PCDH11X: variants seen among roughly 807,000 people sequenced by gnomAD.
PCDH11X encodes the protein protocadherin 11 X-linked.
Under a neutral mutation model 53.3 loss-of-function variants are expected in PCDH11X, and 18 were observed. That is an observed-to-expected ratio of 0.34 (90% CI 0.23 to 0.50). PCDH11X has a LOEUF of 0.50. Among genes scored for constraint, PCDH11X ranks in the 20% least tolerant of loss-of-function variants. The probability of loss-of-function intolerance (pLI) is 0.98; values close to 1 mark genes in which losing one functional copy is unlikely to be tolerated. For missense variants in PCDH11X, 570 were observed against 1,032.4 expected, an observed-to-expected ratio of 0.55 and a Z score of 6.14; for synonymous variants, 279 against 393.3, an observed-to-expected ratio of 0.71 and a Z score of 3.44.
In PCDH11X at chrX:92,431,058, G is replaced by T. The variant is rs1265343525; in HGVS notation, c.3344-37241G>T. Among the ~76,000 whole-genome samples the T allele has an allele frequency of 2.1e-4, 23 of 110,889 alleles. No individual in the cohort carries two copies. In the East Asian group the frequency reaches 5.4e-3, roughly 26 times the overall value. The stretch of plus-strand genomic sequence containing the variant: ...TCTTCCTTTTCTTTTTTTAAAAGAT[G>T]AAATGTAAAAGAAAGCTTACCTCAA... On this transcript the variant is annotated intron_variant, in intron 9 of 10. Transcript: ENST00000682573.
At chrX:91,982,873 T>C in intron 6 of PCDH11X, 1 of 911,145 alleles carries the variant, frequency 1.1e-6, no homozygotes, top group Non-Finnish European at 1.6e-6. Flanking sequence ...TTTCCTGCTG[T>C]CCAGGTGAGA....
intron 7 of PCDH11X, among the ~76,000 whole-genome samples, chrX:92,246,659 G>A (rs1449479749): frequency 9.0e-6 from 1 of 111,711 alleles, no homozygotes; most frequent in Non-Finnish European, 1.9e-5. Flanking sequence ...CCTGAAAAGA[G>A]TTTTACATAC....
At position 91,878,853 on chromosome X, in the gene PCDH11X, A is replaced by G. The variant is rs1569424355; in HGVS notation, c.2613A>G (p.Lys871=). The change falls in exon 6 of 11, where the codon AAA becomes AAG. Residue 871 remains lysine (K), a synonymous_variant. Transcript: ENST00000682573. ...AGATGATAATGATGAAGAAAAAGAA[A>G]AAGAAGAAGAAGCATTCCCCTAAGA... ...NRQMIMMKKK[K]KKKKHSPKNL... The G allele has an allele frequency of 8.3e-7, 1 of 1,211,476 alleles. No individual in the cohort carries two copies. Among genetic ancestry groups the G allele is most frequent in the Admixed American group, 2.2e-5 (1 of 45,956 alleles).
rs187757859 is a variant in PCDH11X at position 91,871,630 on chromosome X, G to A, written c.541-5151G>A. On this transcript the variant is annotated intron_variant, in intron 5 of 10. Transcript: ENST00000682573. ...TGTTAAAGTTTTCTCCAGTTGTCTC[G>A]TTAATTCTTTCCCAGGACAATAGAC... Among the ~76,000 whole-genome samples the A allele has an allele frequency of 3.5e-3, 381 of 109,598 alleles. 2 individuals carry two copies. The highest frequency in any genetic ancestry group is 0.014 in the South Asian group (35 of 2,495).
chrX:92,003,975 C>T (rs1441048995), intron 6 of PCDH11X, among the ~76,000 whole-genome samples: 1 of 108,493 alleles, frequency 9.2e-6, no homozygotes, highest in African/African-American at 3.3e-5. Flanking sequence ...TGGATTATTA[C>T]ATTATTCATC....
At chrX:92,472,959 A>G (rs180746651) in intron 10 of PCDH11X, among the ~76,000 whole-genome samples, 104 of 109,176 alleles carry the variant, frequency 9.5e-4, no homozygotes, top group African/African-American at 3.3e-3. Flanking sequence ...CTTTTTGCAC[A>G]TTGATTTTGT....
chrX:91,959,368 C>T (rs1006442976), intron 6 of PCDH11X, among the ~76,000 whole-genome samples: 18 of 110,972 alleles, frequency 1.6e-4, no homozygotes, highest in East Asian at 2.8e-4. Context: ...AGTCACTATG[C>T]GGTATTTTAG....
chrX:92,593,337 C>T (rs1231028199), intron 10 of PCDH11X, among the ~76,000 whole-genome samples: 1 of 111,803 alleles, frequency 8.9e-6, no homozygotes, highest in Non-Finnish European at 1.9e-5. Flanking sequence ...TTGTCTTTGT[C>T]ATGGGCTCTG....
At chrX:92,400,232 C>G (rs2071359322) in intron 9 of PCDH11X, among the ~76,000 whole-genome samples, 1 of 111,551 alleles carries the variant, frequency 9.0e-6, no homozygotes, top group Admixed American at 9.6e-5. Context: ...AGAGTACCAG[C>G]TGCGCTGTCA....
At chrX:92,350,566 C>T (rs12850274) in intron 8 of PCDH11X, among the ~76,000 whole-genome samples, 4 of 111,688 alleles carry the variant, frequency 3.6e-5, no homozygotes, top group African/African-American at 1.3e-4. Context: ...ACCGTCTTCA[C>T]GTCTCTTAGC....
chrX:92,564,962 T>C (rs1288154136), intron 10 of PCDH11X, among the ~76,000 whole-genome samples: 29 of 110,531 alleles, frequency 2.6e-4, no homozygotes, highest in Admixed American at 6.8e-4. Flanking sequence ...GAACAGAAGA[T>C]CTGAATAGAC....
chrX:92,474,596 ATT>A (rs1474294933), intron 10 of PCDH11X, among the ~76,000 whole-genome samples: 1 of 88,063 alleles, frequency 1.1e-5, no homozygotes, highest in Non-Finnish European at 2.2e-5. Context: ...TTTTTTTTAA[ATT>A]TTTTGTCAGT....
chrX:92,600,126 A>G lies in PCDH11X; in HGVS notation c.3368-18138A>G, dbSNP rs1364907050. Among the ~76,000 whole-genome samples, 15 of 105,925 alleles carry G rather than the reference A, an allele frequency of 1.4e-4. No individual in the cohort carries two copies. In the Admixed American group the frequency reaches 1.5e-3, roughly 11 times the overall value. 92.0% of individuals were successfully genotyped at this position (105,925 alleles called of 115,157 possible). On this transcript the variant is annotated intron_variant, in intron 10 of 10. Coordinates refer to ENST00000682573, the MANE Select transcript of PCDH11X (RefSeq NM_032968.5). The stretch of plus-strand genomic sequence containing the variant: ...GTTTAAAATGGGAGCAGAGCATAAA[A>G]GTTTGGAAAATTTGCAGCCTGATGA...
chrX:92,270,514 A>C (rs770886095), intron 8 of PCDH11X, among the ~76,000 whole-genome samples: 8 of 111,906 alleles, frequency 7.1e-5, no homozygotes, highest in Middle Eastern at 4.2e-3. Flanking sequence ...TATCTGAAAC[A>C]GGCCTCAATC....
intron 10 of PCDH11X, among the ~76,000 whole-genome samples, chrX:92,492,518 A>G (rs1306434850): frequency 8.9e-6 from 1 of 111,959 alleles, no homozygotes; most frequent in Admixed American, 9.5e-5. Context: ...ACAATTTTTC[A>G]TAGTAAAACA....
At chrX:92,333,165 A>G (rs1361308498) in intron 8 of PCDH11X, among the ~76,000 whole-genome samples, 1 of 108,659 alleles carries the variant, frequency 9.2e-6, no homozygotes, top group African/African-American at 3.3e-5. Flanking sequence ...GTTATGTAAA[A>G]CTTTTGTGAC....
chrX:92,352,109 T>C (rs1177272688), intron 8 of PCDH11X, among the ~76,000 whole-genome samples: 1 of 111,743 alleles, frequency 8.9e-6, no homozygotes, highest in African/African-American at 3.2e-5. Flanking sequence ...TAAAAAATTG[T>C]TAATATTGAA....
chrX:92,041,718 T>A (rs1477031184), intron 6 of PCDH11X, among the ~76,000 whole-genome samples: 6 of 112,199 alleles, frequency 5.3e-5, no homozygotes, highest in Non-Finnish European at 1.1e-4. Flanking sequence ...ATGCCTGTAA[T>A]CCCAGCACTT....
At chrX:91,836,740 T>G (rs1937316393) in intron 5 of PCDH11X, among the ~76,000 whole-genome samples, 1 of 111,332 alleles carries the variant, frequency 9.0e-6, no homozygotes, top group African/African-American at 3.3e-5. Context: ...AGTCAATCAG[T>G]TAATTTGAAT....
Sources: gnomAD v4.1 joint callset for allele counts (sites outside exome capture counted in the v4.1 genomes callset) on GRCh38, gnomAD v4.1.1 for gene constraint, MANE v1.5 for transcripts, NCBI Gene and HGNC (gene_info 2026-07-23, HGNC 2026-07-21) for gene names.